Variants in CYYR1 observed in about 807,000 individuals in gnomAD.
CYYR1 encodes the protein cysteine and tyrosine rich 1.
A neutral mutation model predicts 15.2 loss-of-function variants in CYYR1; 14 were observed. That is an observed-to-expected ratio of 0.92 (90% CI 0.61 to 1.44). CYYR1 has a LOEUF of 1.44. Ranked by LOEUF, CYYR1 falls within the 40% of genes most tolerant of loss-of-function variation. The probability of loss-of-function intolerance (pLI) is 0.00; values close to 1 mark genes in which losing one functional copy is unlikely to be tolerated. For missense variants in CYYR1, 228 were observed against 209.5 expected (o/e 1.09, Z -0.54); for synonymous variants, 80 against 77.4 (o/e 1.03, Z -0.18).
At chr21:26,541,380 A>G (rs1210815832) in intron 2 of CYYR1, among the ~76,000 whole-genome samples, 2 of 152,188 alleles carry the variant, frequency 1.3e-5, no homozygotes, top group East Asian at 3.8e-4. Flanking sequence ...AAGACAAATT[A>G]CATATATAAG....
At chr21:26,569,764 G>A (rs1035874879) in intron 1 of CYYR1, among the ~76,000 whole-genome samples, 7 of 152,092 alleles carry the variant, frequency 4.6e-5, no homozygotes, top group African/African-American at 1.7e-4. Context: ...CATCAATATC[G>A]AAGATTCAAT....
rs921112019 is a variant in CYYR1, at chr21:26,520,608, C to T, written c.177-40179G>A. On this transcript the variant is annotated intron_variant, in intron 2 of 3. Transcript: ENST00000652641. ...GGGTATATACCCAGTAATGGGATTG[C>T]TGGGTGAAATGGTATTTCTGGTTCT... Among the ~76,000 whole-genome samples, 20 of 152,148 alleles carry T rather than the reference C, an allele frequency of 1.3e-4. 1 individual carries two copies. Among genetic ancestry groups the T allele is most frequent in the East Asian group, 1.9e-4 (1 of 5,184 alleles).
chr21:26,495,434 GA>G (rs2123458096), intron 2 of CYYR1, among the ~76,000 whole-genome samples: 1 of 152,290 alleles, frequency 6.6e-6, no homozygotes, highest in African/African-American at 2.4e-5. Context: ...CAGACTTAAA[GA>G]AAGTGATGTT....
intron 2 of CYYR1, among the ~76,000 whole-genome samples, chr21:26,556,857 C>T (rs1006963317): frequency 6.6e-6 from 1 of 152,022 alleles, no homozygotes; most frequent in Non-Finnish European, 1.5e-5. Context: ...GATAATGCTA[C>T]GGCAGCAAAC....
chr21:26,541,160 T>A (rs1288939099), intron 2 of CYYR1, among the ~76,000 whole-genome samples: 5 of 152,110 alleles, frequency 3.3e-5, no homozygotes, highest in African/African-American at 4.8e-5. Flanking sequence ...CAAAATCTAA[T>A]ACATGTGGAG....
chr21:26,539,590 T>C (rs1301775211), intron 2 of CYYR1, among the ~76,000 whole-genome samples: 1 of 152,220 alleles, frequency 6.6e-6, no homozygotes, highest in Non-Finnish European at 1.5e-5. Flanking sequence ...AAAGCAGCAA[T>C]TGTCTCCAAT....
intron 2 of CYYR1, among the ~76,000 whole-genome samples, chr21:26,541,026 CA>C (rs1978514961): frequency 6.6e-6 from 1 of 152,036 alleles, no homozygotes; most frequent in Non-Finnish European, 1.5e-5. Context: ...ATGGGCTTAA[CA>C]AGATGTTAAG....
chr21:26,550,432 C>A (rs1468012667), intron 2 of CYYR1: 2 of 152,148 alleles, frequency 1.3e-5, no homozygotes, highest in Non-Finnish European at 2.9e-5. Context: ...CACTTGAAAT[C>A]AAAAGCTAGA....
chr21:26,480,562 T>A (rs2065164533), intron 2 of CYYR1, 133 bp from the exon 3 acceptor site: 2 of 877,518 alleles, frequency 2.3e-6, no homozygotes, highest in Admixed American at 8.7e-5. Flanking sequence ...GTGTTTTTCT[T>A]TTCTTTTTTT....
chr21:26,481,395 T>C (rs2065178237), intron 2 of CYYR1, among the ~76,000 whole-genome samples: 1 of 152,072 alleles, frequency 6.6e-6, no homozygotes, highest in African/African-American at 2.4e-5. Context: ...GAATCTTACA[T>C]ATTGATTAAA....
At chr21:26,505,680 T>C (rs1383358979) in intron 2 of CYYR1, among the ~76,000 whole-genome samples, 4 of 152,222 alleles carry the variant, frequency 2.6e-5, no homozygotes, top group Non-Finnish European at 5.9e-5. Context: ...GCTGAGTTTA[T>C]GAGGGCAGTG....
intron 2 of CYYR1, among the ~76,000 whole-genome samples, chr21:26,539,222 T>C (rs1418894604): frequency 6.6e-6 from 1 of 152,158 alleles, no homozygotes; most frequent in Non-Finnish European, 1.5e-5. Flanking sequence ...GCTGTAGGTC[T>C]TTACTTCTGG....
intron 3 of CYYR1, among the ~76,000 whole-genome samples, chr21:26,470,122 C>G (rs1201923790): frequency 1.3e-5 from 2 of 152,138 alleles, no homozygotes; most frequent in Non-Finnish European, 2.9e-5. Flanking sequence ...GCTCTTAATA[C>G]TAGAATGGCA....
intron 2 of CYYR1, among the ~76,000 whole-genome samples, chr21:26,499,608 A>C (rs1341955525): frequency 2.6e-5 from 4 of 152,228 alleles, no homozygotes; most frequent in Non-Finnish European, 5.9e-5. Flanking sequence ...GTCACTGTAC[A>C]AGTCCAGTAG....
intron 2 of CYYR1, among the ~76,000 whole-genome samples, chr21:26,553,040 C>A (rs1410765623): frequency 1.3e-5 from 2 of 152,048 alleles, no homozygotes; most frequent in Non-Finnish European, 2.9e-5. Context: ...ATCAGGTCTG[C>A]TGGATTAATA....
At chr21:26,546,620 C>G (rs1978993470) in intron 2 of CYYR1, among the ~76,000 whole-genome samples, 1 of 152,136 alleles carries the variant, frequency 6.6e-6, no homozygotes, top group African/African-American at 2.4e-5. Context: ...CATTTTAAAG[C>G]CTCTAGGGAG....
At chr21:26,512,823 G>T (rs374454528) in intron 2 of CYYR1, among the ~76,000 whole-genome samples, 57 of 152,302 alleles carry the variant, frequency 3.7e-4, no homozygotes, top group African/African-American at 1.3e-3. Context: ...AAACAGAAAA[G>T]GTTGACCAAC....
intron 2 of CYYR1, among the ~76,000 whole-genome samples, chr21:26,494,284 A>C (rs777737643): frequency 3.3e-5 from 5 of 152,230 alleles, no homozygotes; most frequent in African/African-American, 4.8e-5. Flanking sequence ...CAGTCCAACA[A>C]GAACAAAATT....
At chr21:26,570,141 C>A (rs1407240454) in intron 1 of CYYR1, among the ~76,000 whole-genome samples, 2 of 152,176 alleles carry the variant, frequency 1.3e-5, no homozygotes, top group African/African-American at 4.8e-5. Flanking sequence ...CATACAGGAG[C>A]TTTTTCTCAC....
Sources: allele counts gnomAD v4.1 joint callset (sites outside exome capture counted in the v4.1 genomes callset), GRCh38; gene constraint gnomAD v4.1.1; transcripts MANE v1.5; gene names NCBI Gene and HGNC (gene_info 2026-07-23, HGNC 2026-07-21).